Variants in MACROD1 observed in about 807,000 individuals in gnomAD.
MACROD1 encodes ADP-ribose glycohydrolase MACROD1.
Under a neutral mutation model 41.4 loss-of-function variants are expected in MACROD1, and 31 were observed. The ratio of observed to expected loss-of-function variants is 0.75; its 90% CI spans 0.56 to 1.01. MACROD1 has a LOEUF of 1.01. Among genes scored for constraint, MACROD1 ranks in the 50% least tolerant of loss-of-function variants. The probability of loss-of-function intolerance (pLI) is 0.00; values close to 1 mark genes in which losing one functional copy is unlikely to be tolerated. For synonymous variants in MACROD1, 252 were observed against 203.4 expected (o/e 1.24, Z -2.03); for missense variants, 473 against 460.0 (o/e 1.03, Z -0.26).
At chr11:64,102,350 G>A (rs571915031) in intron 3 of MACROD1, among the ~76,000 whole-genome samples, 40 of 149,956 alleles carry the variant, frequency 2.7e-4, no homozygotes, top group African/African-American at 7.0e-4. Flanking sequence ...GGCGGCTGCG[G>A]GTGTTGAGGA....
intron 3 of MACROD1, among the ~76,000 whole-genome samples, chr11:64,059,333 G>A (rs777058430): frequency 1.1e-4 from 16 of 152,184 alleles, no homozygotes; most frequent in Admixed American, 2.6e-4. Flanking sequence ...TGTAGCCACC[G>A]ACATGGGAGG....
At chr11:64,035,501 C>A (rs1249157749) in intron 3 of MACROD1, among the ~76,000 whole-genome samples, 1 of 151,998 alleles carries the variant, frequency 6.6e-6, no homozygotes, top group Non-Finnish European at 1.5e-5. Context: ...CTTTCTCCCC[C>A]GCCTCCACGG....
intron 3 of MACROD1, chr11:64,138,482 C>T (rs1590958651): frequency 7.1e-6 from 7 of 982,512 alleles, no homozygotes; most frequent in Non-Finnish European, 8.5e-6. Flanking sequence ...CCTCAACGTC[C>T]TCAGCAAGGT....
chr11:64,027,159 A>G (rs1218435236), intron 3 of MACROD1, among the ~76,000 whole-genome samples: 1 of 152,252 alleles, frequency 6.6e-6, no homozygotes, highest in African/African-American at 2.4e-5. Context: ...ACAGAGGGTT[A>G]GCAGTGGGGA....
At position 64,146,819 on chromosome 11, in the gene MACROD1, A is replaced by G. The variant is rs1308463460; in HGVS notation, c.517+4420T>C. ...TACGCACACCCCACACACATAGGCC[A>G]AACTCCTGACCTCACACACACACTC... On this transcript the variant is annotated intron_variant, in intron 3 of 10. Coordinates refer to ENST00000255681, the MANE Select transcript of MACROD1 (RefSeq NM_014067.4). This position sits in a 1 kb window ranked among gnomAD's most constrained non-coding sequence, Gnocchi z 4.7. Among the ~76,000 whole-genome samples the G allele has an allele frequency of 2.6e-5, 4 of 151,740 alleles. No individual in the cohort carries two copies. The highest frequency in any genetic ancestry group is 6.6e-5 in the Admixed American group (1 of 15,194).
At chr11:64,100,874 A>G (rs570791620) in intron 3 of MACROD1, among the ~76,000 whole-genome samples, 2 of 152,304 alleles carry the variant, frequency 1.3e-5, no homozygotes, top group Non-Finnish European at 2.9e-5. Flanking sequence ...TGGGGGCTGC[A>G]GCAGGGAAGG....
At chr11:64,009,332 C>G (rs1942965917) in intron 4 of MACROD1, among the ~76,000 whole-genome samples, 1 of 152,150 alleles carries the variant, frequency 6.6e-6, no homozygotes, top group Non-Finnish European at 1.5e-5. Context: ...AAGGGTCTGT[C>G]GGGAAGGCTG....
At chr11:64,157,689 G>T (rs544435789) in intron 1 of MACROD1, among the ~76,000 whole-genome samples, 1 of 152,158 alleles carries the variant, frequency 6.6e-6, no homozygotes, top group East Asian at 1.9e-4. Flanking sequence ...TGCAGCGGGC[G>T]AATGGGAATT....
intron 4 of MACROD1, chr11:64,009,069 G>A (rs1278864490): frequency 1.3e-5 from 2 of 152,142 alleles, no homozygotes; most frequent in Non-Finnish European, 2.9e-5. Flanking sequence ...AGAGAAAGAC[G>A]AGGGGTAATT....
At chr11:64,069,205 G>A (rs1462723336) in intron 3 of MACROD1, among the ~76,000 whole-genome samples, 1 of 152,218 alleles carries the variant, frequency 6.6e-6, no homozygotes, top group Non-Finnish European at 1.5e-5. Flanking sequence ...CACTGCGCGC[G>A]GCCGGGGGCC....
At chr11:64,116,816 C>G (rs1030400423) in intron 3 of MACROD1, 2 of 1,613,348 alleles carry the variant, frequency 1.2e-6, no homozygotes, top group Non-Finnish European at 1.7e-6. Flanking sequence ...AGCTGCTCTT[C>G]CTGAGCCGGA....
chr11:64,102,932 G>T (rs1186784570), intron 3 of MACROD1, among the ~76,000 whole-genome samples: 1 of 152,134 alleles, frequency 6.6e-6, no homozygotes, highest in Non-Finnish European at 1.5e-5. Flanking sequence ...TTAGCCGGGT[G>T]TGGTGGCTCA....
intron 3 of MACROD1, among the ~76,000 whole-genome samples, chr11:64,044,067 C>T (rs1026860739): frequency 1.3e-4 from 19 of 151,948 alleles, no homozygotes; most frequent in Non-Finnish European, 2.1e-4. Flanking sequence ...CCACCCACTT[C>T]GGCCTCCCAA....
intron 3 of MACROD1, among the ~76,000 whole-genome samples, chr11:64,032,601 C>T (rs1220223896): frequency 6.6e-6 from 1 of 152,116 alleles, no homozygotes; most frequent in African/African-American, 2.4e-5. Context: ...AAGGTTGAAC[C>T]TACAAATCAT....
chr11:64,019,223 C>T (rs191893698), intron 3 of MACROD1, among the ~76,000 whole-genome samples: 331 of 152,304 alleles, frequency 2.2e-3, no homozygotes, highest in African/African-American at 7.2e-3. Flanking sequence ...TCCCCCCGCC[C>T]GAGGACATGC....
At chr11:64,158,864 G>T (rs781151155) in intron 1 of MACROD1, among the ~76,000 whole-genome samples, 3 of 152,116 alleles carry the variant, frequency 2.0e-5, no homozygotes, top group Non-Finnish European at 4.4e-5. Context: ...GGGGGATAAA[G>T]AAGTGCCTCA....
At chr11:64,158,160 C>G (rs1250333449) in intron 1 of MACROD1, among the ~76,000 whole-genome samples, 1 of 152,212 alleles carries the variant, frequency 6.6e-6, no homozygotes, top group Non-Finnish European at 1.5e-5. Context: ...GCCCTGGCTT[C>G]TGCACAGTGT....
At position 64,120,276 on chromosome 11, in the gene MACROD1, C is replaced by T. The variant is rs1259025611; in HGVS notation, c.517+30963G>A. ...CCAGCCCTGGGGAACAGCCGAGCAG[C>T]GTGGTCACGTTTCACTCGAAACTAG... On this transcript the variant is annotated intron_variant, in intron 3 of 10. Coordinates refer to ENST00000255681, the MANE Select transcript of MACROD1 (RefSeq NM_014067.4). This position sits in a 1 kb window ranked among gnomAD's most constrained non-coding sequence, Gnocchi z 4.5. Among the ~76,000 whole-genome samples, 1 of 152,216 alleles carries T rather than the reference C, an allele frequency of 6.6e-6. No homozygotes were observed. The highest frequency in any genetic ancestry group is 1.5e-5 in the Non-Finnish European group (1 of 68,036).
intron 3 of MACROD1, among the ~76,000 whole-genome samples, chr11:64,028,847 C>T (rs1462774415): frequency 1.3e-5 from 2 of 152,122 alleles, no homozygotes; most frequent in Non-Finnish European, 2.9e-5. Context: ...GCTCTGCCTC[C>T]CAGGACTCAG....
Sources: gnomAD v4.1 joint callset for allele counts (sites outside exome capture counted in the v4.1 genomes callset) on GRCh38, gnomAD v4.1.1 for gene constraint, Gnocchi (gnomAD v3.1) non-coding constraint, MANE v1.5 for transcripts, NCBI Gene and HGNC (gene_info 2026-07-23, HGNC 2026-07-21) for gene names.